GULP1: variants seen among roughly 807,000 people sequenced by gnomAD.
GULP1 encodes the protein GULP PTB domain containing engulfment adaptor 1.
Under a neutral mutation model 40.9 loss-of-function variants are expected in GULP1, and 19 were observed. The ratio of observed to expected loss-of-function variants is 0.46; its 90% confidence interval spans 0.32 to 0.68. The LOEUF is 0.68. Ranked by LOEUF, GULP1 falls within the 30% of genes least tolerant of loss-of-function variation. The pLI is 0.03. For missense variants in GULP1, 312 were observed against 362.2 expected, an observed-to-expected ratio of 0.86 and a Z score of 1.12; for synonymous variants, 119 against 117.6, an observed-to-expected ratio of 1.01 and a Z score of -0.08.
chr2:188,464,847 G>A (rs1214254538), intron 2 of GULP1, among the ~76,000 whole-genome samples: 1 of 152,142 alleles, frequency 6.6e-6, no homozygotes, highest in African/African-American at 2.4e-5. Flanking sequence ...AAGGCCTAAT[G>A]GCTATTTAAT....
At chr2:188,311,911 A>G (rs1042990076) in intron 1 of GULP1, among the ~76,000 whole-genome samples, 1 of 149,084 alleles carries the variant, frequency 6.7e-6, no homozygotes, top group African/African-American at 2.4e-5. Context: ...ATTAATACAC[A>G]TATACCTTGA....
At position 188,594,082 on chromosome 2, in the gene GULP1, T is replaced by C. The variant is rs1264398262; in HGVS notation, c.*71T>C. Reference sequence around the variant, plus strand: ...CACATGTCATTTATTATTATTACTTTAAGATAGGTATTATTCATGTGTCAA... The same window carrying C: ...CACATGTCATTTATTATTATTACTTCAAGATAGGTATTATTCATGTGTCAA... On this transcript the variant is annotated 3_prime_UTR_variant, in exon 12 of 12. Transcript: ENST00000409830. 2 of 827,774 alleles carry C rather than the reference T, an allele frequency of 2.4e-6. No individual in the cohort carries two copies. Among genetic ancestry groups the C allele is most frequent in the Non-Finnish European group, 4.1e-6 (2 of 490,074 alleles). The allele number at this position is 827,774 out of a possible 1,614,324, so 51.3% of individuals were successfully genotyped here.
Position 188,587,473 on chromosome 2 carries a change from A to G in GULP1, c.749-382A>G, listed in dbSNP as rs142042842. The stretch of plus-strand genomic sequence containing the variant: ...TTTACTATTGTGTTGCAAGGCATCA[A>G]TCAATGGAATTAGGGTAGTCTCAAT... On this transcript the variant is annotated intron_variant, in intron 10 of 11. Coordinates refer to ENST00000409830, the MANE Select transcript of GULP1 (RefSeq NM_016315.4). 2.2e-3 allele frequency among the ~76,000 whole-genome samples: 342 copies of G among 152,232 alleles called. 2 individuals carry two copies. The highest frequency in any genetic ancestry group is 7.8e-3 in the African/African-American group (325 of 41,572).
At chr2:188,577,044 A>T (rs1250224608) in intron 9 of GULP1, among the ~76,000 whole-genome samples, 3 of 152,076 alleles carry the variant, frequency 2.0e-5, no homozygotes, top group Non-Finnish European at 4.4e-5. Context: ...GTTCCTCTTG[A>T]TTCTTGTATC....
intron 2 of GULP1, among the ~76,000 whole-genome samples, chr2:188,425,798 A>G (rs1220229752): frequency 6.6e-6 from 1 of 152,114 alleles, no homozygotes; most frequent in Non-Finnish European, 1.5e-5. Flanking sequence ...TCTTAGGGGT[A>G]TTACAGTCAA....
At chr2:188,578,999 G>A (rs1446036122) in intron 9 of GULP1, among the ~76,000 whole-genome samples, 1 of 152,026 alleles carries the variant, frequency 6.6e-6, no homozygotes, top group African/African-American at 2.4e-5. Flanking sequence ...TGCTACATCC[G>A]CACGTTCATA....
At chr2:188,463,832 T>C (rs528074893) in intron 2 of GULP1, among the ~76,000 whole-genome samples, 1 of 152,332 alleles carries the variant, frequency 6.6e-6, no homozygotes, top group South Asian at 2.1e-4. Context: ...ATTTTTCAGC[T>C]CCAGAATTTC....
At chr2:188,484,490 G>T (rs1409382411) in intron 4 of GULP1, among the ~76,000 whole-genome samples, 1 of 152,106 alleles carries the variant, frequency 6.6e-6, no homozygotes, top group Non-Finnish European at 1.5e-5. Context: ...GGAAATATTA[G>T]CGTCAAATTT....
At chr2:188,431,703 A>G (rs752728301) in intron 2 of GULP1, among the ~76,000 whole-genome samples, 1 of 151,998 alleles carries the variant, frequency 6.6e-6, no homozygotes, top group Non-Finnish European at 1.5e-5. Flanking sequence ...ACTTACAAAA[A>G]CCATTTACAA....
At chr2:188,459,572 C>A (rs1051524236) in intron 2 of GULP1, among the ~76,000 whole-genome samples, 3 of 152,000 alleles carry the variant, frequency 2.0e-5, no homozygotes, top group African/African-American at 4.8e-5. Flanking sequence ...GGTTATTAAT[C>A]CCTTGTCAAG....
chr2:188,371,457 G>T (rs2047588495), intron 1 of GULP1, among the ~76,000 whole-genome samples: 1 of 152,082 alleles, frequency 6.6e-6, no homozygotes, highest in South Asian at 2.1e-4. Context: ...AAGGAAATAA[G>T]AGAGTCGAGA....
At chr2:188,332,742 C>A (rs886080943) in intron 1 of GULP1, among the ~76,000 whole-genome samples, 25 of 151,880 alleles carry the variant, frequency 1.6e-4, no homozygotes, top group Admixed American at 4.6e-4. Flanking sequence ...TTTGAAAGGC[C>A]CTATGCAAAG....
At chr2:188,332,271 C>A (rs1434472617) in intron 1 of GULP1, among the ~76,000 whole-genome samples, 1 of 145,608 alleles carries the variant, frequency 6.9e-6, no homozygotes, top group Non-Finnish European at 1.5e-5. Context: ...CTCACTGCAA[C>A]CTCCACCTCC....
At chr2:188,321,857 A>G (rs1180736124) in intron 1 of GULP1, among the ~76,000 whole-genome samples, 1 of 152,022 alleles carries the variant, frequency 6.6e-6, no homozygotes, top group East Asian at 1.9e-4. Context: ...ACTCTACTAA[A>G]AATACAAATT....
chr2:188,562,335 A>G (rs1357742523), intron 7 of GULP1, among the ~76,000 whole-genome samples: 2 of 152,006 alleles, frequency 1.3e-5, no homozygotes, highest in Non-Finnish European at 2.9e-5. Context: ...TCTCTCACTC[A>G]CCCTTTTCCC....
At chr2:188,488,177 C>T (rs1315663738) in intron 4 of GULP1, among the ~76,000 whole-genome samples, 1 of 151,868 alleles carries the variant, frequency 6.6e-6, no homozygotes, top group African/African-American at 2.4e-5. Flanking sequence ...TCAGATGCAC[C>T]CCTCAAGAGT....
chr2:188,366,510 A>G lies in GULP1; in HGVS notation c.-171-17253A>G, dbSNP rs561134427. Among the ~76,000 whole-genome samples the G allele has an allele frequency of 2.0e-5, 3 of 148,056 alleles. No individual in the cohort carries two copies. The South Asian group carries it at 6.4e-4, about 32-fold the overall frequency. The stretch of plus-strand genomic sequence containing the variant: ...TCTTTTCTTCTTCCGTCACCTTTTG[A>G]TTCATTTGCATGTCTGTCTATCTAC... On this transcript the variant is annotated intron_variant, in intron 1 of 11. Transcript: ENST00000409830.
intron 4 of GULP1, among the ~76,000 whole-genome samples, chr2:188,488,343 C>G (rs1043867713): frequency 6.6e-6 from 1 of 152,000 alleles, no homozygotes; most frequent in Admixed American, 6.6e-5. Flanking sequence ...TGTAACTTTT[C>G]TGTCCTTGAG....
intron 2 of GULP1, among the ~76,000 whole-genome samples, chr2:188,408,630 G>A (rs1014246326): frequency 6.6e-6 from 1 of 152,058 alleles, no homozygotes; most frequent in African/African-American, 2.4e-5. Context: ...AAAACAATAA[G>A]GAAACATTGG....
Sources: gnomAD v4.1 joint callset for allele counts (sites outside exome capture counted in the v4.1 genomes callset) on GRCh38, gnomAD v4.1.1 for gene constraint, MANE v1.5 for transcripts, NCBI Gene and HGNC (gene_info 2026-07-23, HGNC 2026-07-21) for gene names.